FAM227B: variants seen among roughly 807,000 people sequenced by gnomAD.
The protein encoded by FAM227B is protein FAM227B.
FAM227B carries 88 observed loss-of-function variants against 73.8 expected under a neutral mutation model. The ratio of observed to expected loss-of-function variants is 1.19; its 90% CI spans 1.00 to 1.42. FAM227B has a LOEUF of 1.42. FAM227B is among the 40% of genes most tolerant of loss of function. The pLI is 0.00. For missense variants in FAM227B, 632 were observed against 590.9 expected (o/e 1.07, Z -0.72); for synonymous variants, 210 against 190.5 (o/e 1.10, Z -0.84).
intron 3 of FAM227B, among the ~76,000 whole-genome samples, chr15:49,591,483 CCTT>C (rs2076570599): frequency 2.5e-5 from 3 of 118,438 alleles, no homozygotes; most frequent in Non-Finnish European, 5.4e-5. Context: ...GCCCTTCCTT[CCTT>C]TTTTTTTTTT....
Position 49,510,890 on chromosome 15 carries a change from T to C in FAM227B, c.875-2542A>G, listed in dbSNP as rs117085097. Among the ~76,000 whole-genome samples, 4 of 152,262 alleles carry C rather than the reference T, an allele frequency of 2.6e-5. No individual in the cohort carries two copies. The East Asian group carries it at 5.8e-4, about 22-fold the overall frequency. On this transcript the variant is annotated intron_variant, in intron 10 of 15. Coordinates refer to ENST00000299338, the MANE Select transcript of FAM227B (RefSeq NM_152647.3). ...ATTTGTAAGACATTGTTCCATTCTC[T>C]TCCATCTTTCAAAGCTGCTGTTAAG...
intron 10 of FAM227B, among the ~76,000 whole-genome samples, chr15:49,535,172 G>T (rs982299494): frequency 4.0e-5 from 6 of 151,264 alleles, no homozygotes; most frequent in African/African-American, 1.5e-4. Context: ...AAATAAAATG[G>T]ACAAACCTTT....
chr15:49,468,618 C>G (rs989806250), intron 11 of FAM227B, among the ~76,000 whole-genome samples: 14 of 152,170 alleles, frequency 9.2e-5, no homozygotes, highest in Non-Finnish European at 1.2e-4. Context: ...GAAGCAGGTT[C>G]TGTATCCAGC....
chr15:49,555,944 T>C (rs868182489), intron 9 of FAM227B, among the ~76,000 whole-genome samples: 58 of 152,320 alleles, frequency 3.8e-4, no homozygotes, highest in African/African-American at 1.3e-3. Flanking sequence ...ACCTGTATCA[T>C]TTTATTGTAT....
intron 5 of FAM227B, among the ~76,000 whole-genome samples, chr15:49,584,528 G>C (rs569260303): frequency 4.4e-4 from 67 of 152,238 alleles, no homozygotes; most frequent in African/African-American, 1.6e-3. Context: ...TATCAGGCAG[G>C]AGAAAGAAAT....
At chr15:49,505,003 C>T (rs1442910696) in intron 11 of FAM227B, among the ~76,000 whole-genome samples, 5 of 152,226 alleles carry the variant, frequency 3.3e-5, no homozygotes, top group African/African-American at 4.8e-5. Context: ...TACAAATAGC[C>T]ACCAAAAGAT....
intron 10 of FAM227B, among the ~76,000 whole-genome samples, chr15:49,533,270 T>G (rs2060752301): frequency 6.6e-6 from 1 of 152,030 alleles, no homozygotes; most frequent in Non-Finnish European, 1.5e-5. Flanking sequence ...TTAAAGTGGT[T>G]AAGACTTGTT....
intron 11 of FAM227B, among the ~76,000 whole-genome samples, chr15:49,421,024 A>T (rs17399591): frequency 6.6e-6 from 1 of 152,174 alleles, no homozygotes; most frequent in Non-Finnish European, 1.5e-5. Flanking sequence ...CTTTGAAGCC[A>T]GCAATGGTGT....
At chr15:49,546,642 A>T (rs1336981866) in intron 9 of FAM227B, among the ~76,000 whole-genome samples, 3 of 152,284 alleles carry the variant, frequency 2.0e-5, no homozygotes, top group East Asian at 3.9e-4. Context: ...CTTTTTAATG[A>T]TCGCCATTCT....
At position 49,439,921 on chromosome 15, in the gene FAM227B, G is replaced by A. The variant is rs1005937109; in HGVS notation, c.1012+68290C>T. Reference sequence around the variant, plus strand: ...CAGAGATTTTGACATGAAGTTTGCAGATAGCCCTCAGGGAAACTGGAAAGG... The same window carrying A: ...CAGAGATTTTGACATGAAGTTTGCAAATAGCCCTCAGGGAAACTGGAAAGG... On this transcript the variant is annotated intron_variant, in intron 11 of 15. Transcript: ENST00000299338. 2.0e-5 allele frequency among the ~76,000 whole-genome samples: 3 copies of A among 151,892 alleles called. No homozygotes were observed. The South Asian group carries it at 6.2e-4, about 31-fold the overall frequency.
At chr15:49,431,997 G>T (rs1237622317) in intron 11 of FAM227B, among the ~76,000 whole-genome samples, 1 of 151,628 alleles carries the variant, frequency 6.6e-6, no homozygotes, top group African/African-American at 2.4e-5. Context: ...AAATAGGTTT[G>T]AATCTCTTGG....
At chr15:49,430,910 G>C (rs1002508940) in intron 11 of FAM227B, among the ~76,000 whole-genome samples, 1 of 147,620 alleles carries the variant, frequency 6.8e-6, no homozygotes, top group African/African-American at 2.5e-5. Context: ...CCAGATCAGA[G>C]AAAAGACATA....
chr15:49,484,153 G>T (rs1223513373), intron 11 of FAM227B, among the ~76,000 whole-genome samples: 1 of 151,954 alleles, frequency 6.6e-6, no homozygotes, highest in African/African-American at 2.4e-5. Flanking sequence ...TACTACATAA[G>T]TATAGCTAAT....
intron 11 of FAM227B, among the ~76,000 whole-genome samples, chr15:49,387,436 T>A (rs1475732818): frequency 6.6e-6 from 1 of 151,634 alleles, no homozygotes; most frequent in East Asian, 1.9e-4. Context: ...TTTGATAAAC[T>A]ACAGCATCCC....
At chr15:49,569,456 G>C (rs1217861963) in intron 8 of FAM227B, among the ~76,000 whole-genome samples, 2 of 151,500 alleles carry the variant, frequency 1.3e-5, no homozygotes, top group African/African-American at 4.8e-5. Context: ...GAGACGGTGT[G>C]GTTGATTTCA....
chr15:49,549,536 C>G (rs908281713), intron 9 of FAM227B, among the ~76,000 whole-genome samples: 21 of 151,956 alleles, frequency 1.4e-4, no homozygotes, highest in South Asian at 2.1e-4. Context: ...TGACTCTTAA[C>G]GAGCATGCTG....
At chr15:49,600,244 T>C (rs899000738) in intron 3 of FAM227B, among the ~76,000 whole-genome samples, 2 of 152,208 alleles carry the variant, frequency 1.3e-5, no homozygotes, top group African/African-American at 4.8e-5. Flanking sequence ...TCTCTTTTAT[T>C]ACCATTGCAT....
chr15:49,592,068 C>G (rs139109077), intron 3 of FAM227B, among the ~76,000 whole-genome samples: 1,959 of 152,146 alleles, frequency 0.013, 44 homozygotes, highest in Non-Finnish European at 0.014. Flanking sequence ...GTTAGCTATT[C>G]GTCTTTTTTT....
intron 11 of FAM227B, among the ~76,000 whole-genome samples, chr15:49,457,267 T>C (rs1380846930): frequency 6.6e-6 from 1 of 151,950 alleles, no homozygotes; most frequent in African/African-American, 2.4e-5. Context: ...ATATTCCAAA[T>C]GCGGTAACAA....
Sources: gnomAD v4.1 joint callset for allele counts (sites outside exome capture counted in the v4.1 genomes callset) on GRCh38, gnomAD v4.1.1 for gene constraint, MANE v1.5 for transcripts, NCBI Gene and HGNC (gene_info 2026-07-23, HGNC 2026-07-21) for gene names.